The following SUMF1 variants were observed in gnomAD, a reference collection of about 807,000 sequenced individuals.
The protein encoded by SUMF1 is sulfatase modifying factor 1.
SUMF1 carries 48 observed loss-of-function variants against 47.6 expected under a neutral mutation model. The observed-to-expected ratio is 1.01, with a 90% confidence interval of 0.80 to 1.28. The LOEUF (loss-of-function observed/expected upper bound fraction) is 1.28, where lower values mean the gene tolerates loss of function less well. Among genes scored for constraint, SUMF1 ranks in the 50% most tolerant of loss-of-function variants. SUMF1 has a pLI of 0.00. For synonymous variants in SUMF1, 230 were observed against 192.1 expected, an observed-to-expected ratio of 1.20 and a Z score of -1.63; for missense variants, 571 against 485.4, an observed-to-expected ratio of 1.18 and a Z score of -1.66.
chr3:4,068,799 ATATT>A (rs1395596061), intron 8 of SUMF1: 3 of 227,050 alleles, frequency 1.3e-5, no homozygotes, highest in East Asian at 2.4e-4. Flanking sequence ...TGAATAGGTA[ATATT>A]TATTTATTTG....
rs186919852 is a variant in SUMF1, at chr3:4,253,004, T to A, written c.1014+123326A>T. 8.5e-4 allele frequency among the ~76,000 whole-genome samples: 130 copies of A among 152,348 alleles called. 1 individual carries two copies. The highest frequency in any genetic ancestry group is 5.2e-3 in the Admixed American group (79 of 15,308). ...AGATCATCTAGCTTTCAATGCAGTT[T>A]ATCACCAATTACACTTTATTATGTG... On this transcript the variant is annotated intron_variant and NMD_transcript_variant, in intron 8 of 12. Coordinates refer to the SUMF1 transcript ENST00000448413.
At chr3:4,238,838 A>G (rs1292079587) in intron 8 of SUMF1, among the ~76,000 whole-genome samples, 4 of 152,094 alleles carry the variant, frequency 2.6e-5, no homozygotes, top group Non-Finnish European at 5.9e-5. Flanking sequence ...TTTAGTCATG[A>G]AGTATTTGCC....
intron 8 of SUMF1, chr3:4,316,321 G>T (rs748272475): frequency 1.5e-5 from 19 of 1,260,666 alleles, no homozygotes; most frequent in Non-Finnish European, 2.1e-5. Context: ...AATGCATTTG[G>T]CCCAGGAACT....
At chr3:4,039,696 A>C (rs1337388475) in intron 9 of SUMF1, among the ~76,000 whole-genome samples, 1 of 152,042 alleles carries the variant, frequency 6.6e-6, no homozygotes, top group Non-Finnish European at 1.5e-5. Context: ...TATTCTAAAA[A>C]CAATAGGTCC....
chr3:4,295,787 A>G (rs1002948768), intron 8 of SUMF1, among the ~76,000 whole-genome samples: 25 of 152,338 alleles, frequency 1.6e-4, no homozygotes, highest in African/African-American at 5.3e-4. Flanking sequence ...ACAGTCTACA[A>G]TCATCAATCC....
chr3:4,401,312 G>T lies in SUMF1; in HGVS notation c.954+9553C>A, dbSNP rs569105372. ...GTCTTTATAGTAGCATGATTTATAA[G>T]CCTTTGGGTATATACCCAGTAATGG... On this transcript the variant is annotated intron_variant, in intron 7 of 8. Transcript: ENST00000272902. 3.3e-5 allele frequency among the ~76,000 whole-genome samples: 5 copies of T among 152,186 alleles called. No individual in the cohort carries two copies. The East Asian group carries it at 7.7e-4, about 24-fold the overall frequency.
chr3:4,368,864 G>A (rs964706421), intron 8 of SUMF1, among the ~76,000 whole-genome samples: 12 of 152,208 alleles, frequency 7.9e-5, no homozygotes, highest in African/African-American at 1.4e-4. Context: ...CCAAAAAAAC[G>A]GAGAATAAAA....
intron 8 of SUMF1, among the ~76,000 whole-genome samples, chr3:4,176,993 C>A (rs1694979830): frequency 6.6e-6 from 1 of 152,140 alleles, no homozygotes; most frequent in Non-Finnish European, 1.5e-5. Flanking sequence ...AGCTAACTAT[C>A]CTAAATATAT....
intron 8 of SUMF1, among the ~76,000 whole-genome samples, chr3:4,083,410 G>A (rs1433525549): frequency 6.6e-6 from 1 of 152,014 alleles, no homozygotes; most frequent in East Asian, 1.9e-4. Flanking sequence ...CCATTGTGAG[G>A]AGCTCTAGTT....
At chr3:4,405,091 C>A (rs1445912852) in intron 7 of SUMF1, among the ~76,000 whole-genome samples, 1 of 152,132 alleles carries the variant, frequency 6.6e-6, no homozygotes, top group Non-Finnish European at 1.5e-5. Context: ...GCCAGAGGAT[C>A]ACAGGGAAGG....
chr3:4,417,901 T>C lies in SUMF1; in HGVS notation c.725+109A>G, dbSNP rs540475292. On this transcript the variant is annotated intron_variant, in intron 5 of 8. Coordinates refer to ENST00000272902, the MANE Select transcript of SUMF1 (RefSeq NM_182760.4). ...CGTGGAAAAATAAGAAAAAGAATTA[T>C]TGTCGTTATTAACTTTCTAACCAAA... 5 of 1,562,536 alleles carry C rather than the reference T, an allele frequency of 3.2e-6. No homozygotes were observed. The South Asian group carries it at 3.4e-5, about 11-fold the overall frequency.
intron 3 of SUMF1, among the ~76,000 whole-genome samples, chr3:4,433,759 T>C (rs1482299650): frequency 6.6e-6 from 1 of 152,200 alleles, no homozygotes; most frequent in East Asian, 1.9e-4. Context: ...CAGTGGGACA[T>C]CTAGAGTTGT....
chr3:4,398,786 T>A (rs1229019381), intron 7 of SUMF1, among the ~76,000 whole-genome samples: 1 of 152,232 alleles, frequency 6.6e-6, no homozygotes, highest in African/African-American at 2.4e-5. Flanking sequence ...GCGATTCCCA[T>A]CTCTTAAATT....
intron 8 of SUMF1, among the ~76,000 whole-genome samples, chr3:4,268,962 G>A (rs115473810): frequency 0.014 from 2,086 of 152,002 alleles, 53 homozygotes; most frequent in African/African-American, 0.048. Flanking sequence ...GGTAGTATAA[G>A]GAAACTGTTC....
intron 8 of SUMF1, among the ~76,000 whole-genome samples, chr3:4,340,188 AG>A (rs1699242232): frequency 1.3e-5 from 2 of 152,050 alleles, no homozygotes; most frequent in African/African-American, 4.8e-5. Context: ...TCTGGAGTAG[AG>A]CCTGAGTATC....
intron 9 of SUMF1, among the ~76,000 whole-genome samples, chr3:4,043,303 C>T (rs1170907757): frequency 6.6e-6 from 1 of 152,170 alleles, no homozygotes. Flanking sequence ...CCTGCCCACA[C>T]ATCTCTAAAT....
rs201014344 is a variant in SUMF1 at position 4,422,489 on chromosome 3, AT to A, written c.520-2344del. Among the ~76,000 whole-genome samples, 9 of 151,024 alleles carry A rather than the reference AT, an allele frequency of 6.0e-5. No individual in the cohort carries two copies. In the South Asian group the frequency reaches 8.3e-4, roughly 14 times the overall value. On this transcript the variant is annotated intron_variant, in intron 3 of 8. Transcript: ENST00000272902. Reference sequence around the variant, plus strand: ...GTCTTAAAATATTTCATCATTAGTGATTTAAAAAAAAAAAAAAACATGATTT... The same window carrying A: ...GTCTTAAAATATTTCATCATTAGTGATTAAAAAAAAAAAAAAACATGATTT...
chr3:4,096,326 A>G (rs1052958608), intron 8 of SUMF1, among the ~76,000 whole-genome samples: 3 of 152,136 alleles, frequency 2.0e-5, no homozygotes, highest in Non-Finnish European at 2.9e-5. Context: ...CTCCCACACT[A>G]TAGCTGTTAA....
intron 8 of SUMF1, among the ~76,000 whole-genome samples, chr3:4,134,310 A>T (rs929692035): frequency 6.6e-6 from 1 of 152,158 alleles, no homozygotes; most frequent in Non-Finnish European, 1.5e-5. Flanking sequence ...CAGGATTAAG[A>T]AACTCACTCA....
Sources: gnomAD v4.1 joint callset for allele counts (sites outside exome capture counted in the v4.1 genomes callset) on GRCh38, gnomAD v4.1.1 for gene constraint, MANE v1.5 for transcripts, NCBI Gene and HGNC (gene_info 2026-07-23, HGNC 2026-07-21) for gene names.